The following CSTF3 variants were observed in gnomAD, a reference collection of about 807,000 sequenced individuals.
CSTF3 encodes the protein CF-1 77 kDa subunit.
In CSTF3, 29 loss-of-function variants were observed where a neutral mutation model predicts 105.8. The ratio of observed to expected loss-of-function variants is 0.27; its 90% CI spans 0.20 to 0.37. The LOEUF (loss-of-function observed/expected upper bound fraction) is 0.37, where lower values mean the gene tolerates loss of function less well. Among genes scored for constraint, CSTF3 ranks in the 10% least tolerant of loss-of-function variants. The pLI, the probability that CSTF3 is intolerant of heterozygous loss-of-function variation, is 1.00. For synonymous variants in CSTF3, 252 were observed against 281.9 expected, an observed-to-expected ratio of 0.89 and a Z score of 1.06; for missense variants, 357 against 879.3, an observed-to-expected ratio of 0.41 and a Z score of 7.51.
chr11:33,116,569 A>G (rs969012989), intron 3 of CSTF3, among the ~76,000 whole-genome samples: 2 of 152,196 alleles, frequency 1.3e-5, no homozygotes, highest in African/African-American at 4.8e-5. Flanking sequence ...GAAAAAAAGA[A>G]TATGCATAGG....
At position 33,113,176 on chromosome 11, in the gene CSTF3, A is replaced by G. The variant is rs11032145; in HGVS notation, c.226-4758T>C. Among the ~76,000 whole-genome samples, 533 of 152,006 alleles carry G rather than the reference A, an allele frequency of 3.5e-3. 10 individuals are homozygous for G. In the East Asian group the frequency reaches 0.061, roughly 17 times the overall value. The stretch of plus-strand genomic sequence containing the variant: ...GAGCAGAAATCGCACCACACACTCC[A>G]GCTTGGGCAGCAGAGTGAGACTTTG... On this transcript the variant is annotated intron_variant, in intron 3 of 20. Coordinates refer to ENST00000323959, the MANE Select transcript of CSTF3 (RefSeq NM_001326.3).
intron 13 of CSTF3, among the ~76,000 whole-genome samples, chr11:33,097,181 AT>A (rs1855231104): frequency 6.6e-6 from 1 of 152,234 alleles, no homozygotes; most frequent in South Asian, 2.1e-4. Context: ...ATAGCACAAA[AT>A]TCACCCTTTA....
At chr11:33,140,291 T>C (rs1233309159) in intron 3 of CSTF3, among the ~76,000 whole-genome samples, 2 of 152,006 alleles carry the variant, frequency 1.3e-5, no homozygotes, top group Non-Finnish European at 2.9e-5. Flanking sequence ...TTTGGTGATT[T>C]AAATATATTA....
At chr11:33,133,480 A>G (rs1430291559) in intron 3 of CSTF3, among the ~76,000 whole-genome samples, 1 of 152,264 alleles carries the variant, frequency 6.6e-6, no homozygotes, top group East Asian at 1.9e-4. Context: ...CCTCTGGATG[A>G]AATACACTAA....
intron 3 of CSTF3, among the ~76,000 whole-genome samples, chr11:33,110,479 T>C (rs967608120): frequency 2.6e-5 from 4 of 152,200 alleles, no homozygotes; most frequent in African/African-American, 9.6e-5. Context: ...GAAGCTTCCT[T>C]GCATTCGGCT....
chr11:33,089,344 CA>C (rs71034649), intron 17 of CSTF3, among the ~76,000 whole-genome samples: 22,364 of 123,800 alleles, frequency 0.18, 4,542 homozygotes, highest in African/African-American at 0.52. Context: ...GAGACCATCT[CA>C]AAAAAAAAAA....
intron 1 of CSTF3, among the ~76,000 whole-genome samples, chr11:33,151,937 T>C (rs1296998480): frequency 2.0e-5 from 3 of 152,260 alleles, no homozygotes; most frequent in Non-Finnish European, 2.9e-5. Context: ...ATTTCTCTGA[T>C]GGCTATCAAA....
intron 3 of CSTF3, among the ~76,000 whole-genome samples, chr11:33,113,096 A>G (rs966994658): frequency 2.6e-5 from 4 of 151,978 alleles, no homozygotes; most frequent in Admixed American, 6.6e-5. Flanking sequence ...AGTCCCAGCT[A>G]CTCGGGAGGC....
chr11:33,157,309 C>T (rs944170633), intron 1 of CSTF3, among the ~76,000 whole-genome samples: 3 of 151,958 alleles, frequency 2.0e-5, no homozygotes, highest in African/African-American at 4.8e-5. Flanking sequence ...GAGCCGAGAC[C>T]GTGCCACTGC....
At chr11:33,103,669 T>C (rs5018639) in intron 8 of CSTF3, among the ~76,000 whole-genome samples, 106,761 of 151,856 alleles carry the variant, frequency 0.7, 37,709 homozygotes, top group Non-Finnish European at 0.72. Context: ...ACTTGGGAGC[T>C]TGAGGCAGGA....
chr11:33,095,128 GGCCTT>G (rs1490039768), intron 15 of CSTF3, among the ~76,000 whole-genome samples: 2 of 152,156 alleles, frequency 1.3e-5, no homozygotes, highest in African/African-American at 4.8e-5. Flanking sequence ...TCAAACTCCT[GGCCTT>G]GGGTGATCTG....
chr11:33,147,367 TG>T (rs955383433), intron 1 of CSTF3, among the ~76,000 whole-genome samples: 2 of 151,336 alleles, frequency 1.3e-5, no homozygotes, highest in African/African-American at 4.9e-5. Flanking sequence ...GAGCCCGAGG[TG>T]GGCAGATCAC....
rs78633604 is a variant in CSTF3 at position 33,109,592 on chromosome 11, G to C, written c.226-1174C>G. Among the ~76,000 whole-genome samples, 50 of 152,224 alleles carry C rather than the reference G, an allele frequency of 3.3e-4. No homozygotes were observed. In the East Asian group the frequency reaches 8.9e-3, roughly 27 times the overall value. Reference sequence around the variant, plus strand: ...CTCTTTTTCCCTCAGCTGATTAAGGGGGATAATAATACCTACTTTGTCAGG... The same window carrying C: ...CTCTTTTTCCCTCAGCTGATTAAGGCGGATAATAATACCTACTTTGTCAGG... On this transcript the variant is annotated intron_variant, in intron 3 of 20. Coordinates refer to ENST00000323959, the MANE Select transcript of CSTF3 (RefSeq NM_001326.3).
intron 3 of CSTF3, among the ~76,000 whole-genome samples, chr11:33,109,087 C>CT (rs1855354609): frequency 6.6e-6 from 1 of 152,168 alleles, no homozygotes; most frequent in Admixed American, 6.5e-5. Context: ...AAAAAGATAA[C>CT]TTTTTCTAGG....
intron 9 of CSTF3, among the ~76,000 whole-genome samples, chr11:33,102,860 C>T (rs533903561): frequency 1.3e-4 from 20 of 152,102 alleles, no homozygotes; most frequent in Admixed American, 1.2e-3. Flanking sequence ...TAAGTAGAGC[C>T]TTGTCTCTCT....
chr11:33,095,835 T>TAA (rs1303413390), intron 15 of CSTF3, among the ~76,000 whole-genome samples: 1 of 150,178 alleles, frequency 6.7e-6, no homozygotes, highest in South Asian at 2.1e-4. Flanking sequence ...AATAAATAAA[T>TAA]AAATAAATAA....
At chr11:33,152,157 A>G (rs999254484) in intron 1 of CSTF3, among the ~76,000 whole-genome samples, 3 of 152,186 alleles carry the variant, frequency 2.0e-5, no homozygotes, top group African/African-American at 7.2e-5. Flanking sequence ...CAGGAGGCTA[A>G]GGTGGGAGGA....
intron 15 of CSTF3, among the ~76,000 whole-genome samples, chr11:33,095,914 C>T (rs1002202281): frequency 6.6e-6 from 1 of 152,026 alleles, no homozygotes; most frequent in African/African-American, 2.4e-5. Flanking sequence ...AAGTGTTTTA[C>T]TTTACTATTT....
chr11:33,154,361 TC>T (rs1324342927), intron 1 of CSTF3, among the ~76,000 whole-genome samples: 1 of 152,150 alleles, frequency 6.6e-6, no homozygotes, highest in Non-Finnish European at 1.5e-5. Context: ...AACCTGTCAT[TC>T]CAAGTGAATT....
Sources: gnomAD v4.1 joint callset for allele counts (sites outside exome capture counted in the v4.1 genomes callset) on GRCh38, gnomAD v4.1.1 for gene constraint, MANE v1.5 for transcripts, NCBI Gene and HGNC (gene_info 2026-07-23, HGNC 2026-07-21) for gene names.